The following PPAT variants were observed in gnomAD, a reference collection of about 807,000 sequenced individuals.
PPAT encodes the protein phosphoribosyl pyrophosphate amidotransferase.
Under a neutral mutation model 60.2 loss-of-function variants are expected in PPAT, and 20 were observed. That is an observed-to-expected ratio of 0.33 (90% CI 0.23 to 0.48). The LOEUF (loss-of-function observed/expected upper bound fraction) is 0.48, where lower values mean the gene tolerates loss of function less well. PPAT is among the 20% of genes least tolerant of loss of function. The pLI, the probability that PPAT is intolerant of heterozygous loss-of-function variation, is 0.99. For missense variants in PPAT, 349 were observed against 629.6 expected (o/e 0.55, Z 4.77); for synonymous variants, 194 against 215.1 (o/e 0.90, Z 0.86).
chr4:56,433,776 C>T (rs1435422017), intron 1 of PPAT, among the ~76,000 whole-genome samples: 1 of 151,450 alleles, frequency 6.6e-6, no homozygotes, highest in African/African-American at 2.4e-5. Context: ...CTCTCTGGAA[C>T]CTAAGCCTCC....
intron 3 of PPAT, chr4:56,403,876 C>G (rs1716179584): frequency 3.3e-6 from 1 of 301,590 alleles, no homozygotes; most frequent in Admixed American, 3.7e-5. Context: ...GTTCATGCTC[C>G]TAGGAGAATC....
chr4:56,422,729 C>A (rs892044196), intron 1 of PPAT: 19 of 152,054 alleles, frequency 1.2e-4, no homozygotes, highest in African/African-American at 4.4e-4. Flanking sequence ...TAGACGCTAC[C>A]ATACCTAAGA....
intron 1 of PPAT, among the ~76,000 whole-genome samples, chr4:56,413,319 T>C (rs1481820481): frequency 2.6e-5 from 4 of 152,094 alleles, no homozygotes; most frequent in African/African-American, 7.2e-5. Flanking sequence ...CATGCCCAGC[T>C]AGTTTTTGTA....
At chr4:56,403,830 C>T (rs1716178972) in intron 3 of PPAT, 1 of 286,778 alleles carries the variant, frequency 3.5e-6, no homozygotes, top group South Asian at 3.8e-5. Context: ...AAGGAGAGCA[C>T]AACCTGGATC....
At chr4:56,407,263 CT>C (rs1716262733) in intron 2 of PPAT, among the ~76,000 whole-genome samples, 1 of 152,028 alleles carries the variant, frequency 6.6e-6, no homozygotes, top group African/African-American at 2.4e-5. Flanking sequence ...TCAAATCCCC[CT>C]CCCCATATTA....
intron 1 of PPAT, among the ~76,000 whole-genome samples, chr4:56,417,049 A>G (rs1248831495): frequency 1.3e-5 from 2 of 152,144 alleles, no homozygotes; most frequent in African/African-American, 2.4e-5. Flanking sequence ...GGGTTTCACC[A>G]TGTTAGCCAG....
Position 56,396,500 on chromosome 4 carries a change from A to T in PPAT, c.1357+119T>A. The T allele has an allele frequency of 1.0e-6, 1 of 1,002,892 alleles. No homozygotes were observed. The highest frequency in any genetic ancestry group is 1.4e-6 in the Non-Finnish European group (1 of 697,440). The allele number at this position is 1,002,892 out of a possible 1,614,324, so 62.1% of individuals were successfully genotyped here. A position where few individuals can be genotyped will look rare whatever the true frequency, so the allele number is the denominator to read the frequency against. ...TGAGAATAGTATTCAATATCTGTTT[A>T]ACATATATAACTACTTTTAACAAAC... is the stretch of plus-strand genomic sequence containing the variant. On this transcript the variant is annotated intron_variant, in intron 10 of 10. Coordinates refer to ENST00000264220, the MANE Select transcript of PPAT (RefSeq NM_002703.5). This position sits in a 1 kb window ranked among gnomAD's most constrained non-coding sequence, Gnocchi z 4.6.
intron 1 of PPAT, chr4:56,431,393 G>C (rs1350926649): frequency 7.2e-6 from 7 of 968,320 alleles, no homozygotes; most frequent in Non-Finnish European, 8.6e-6. Flanking sequence ...TGCCTTTCCA[G>C]TGGTAATGTT....
chr4:56,428,326 A>T (rs142725589), intron 1 of PPAT, among the ~76,000 whole-genome samples: 5 of 152,352 alleles, frequency 3.3e-5, no homozygotes, highest in African/African-American at 1.2e-4. Context: ...CTGGTGTGAC[A>T]GTGAGGTCAG....
At chr4:56,417,403 A>G (rs1320333825) in intron 1 of PPAT, among the ~76,000 whole-genome samples, 2 of 152,338 alleles carry the variant, frequency 1.3e-5, no homozygotes, top group African/African-American at 2.4e-5. Context: ...TGAACCTGAC[A>G]AAAGTTATTA....
At chr4:56,433,909 C>T (rs1208005635) in intron 1 of PPAT, among the ~76,000 whole-genome samples, 1 of 152,162 alleles carries the variant, frequency 6.6e-6, no homozygotes, top group Non-Finnish European at 1.5e-5. Context: ...CCAGGATGGT[C>T]TCGATCTCTT....
In PPAT at chr4:56,435,596, C is replaced by A; in HGVS notation, c.-119G>T. Reference sequence around the variant, plus strand: ...GCGCTCGCGACAGGCTCTTCCTTCCCGAGGGTGGCCCCAGCTACTGCGGCG... The same window carrying A: ...GCGCTCGCGACAGGCTCTTCCTTCCAGAGGGTGGCCCCAGCTACTGCGGCG... On this transcript the variant is annotated 5_prime_UTR_variant, in exon 1 of 11. Coordinates refer to ENST00000264220, the MANE Select transcript of PPAT (RefSeq NM_002703.5). The A allele has an allele frequency of 6.5e-7, 1 of 1,547,520 alleles. No homozygotes were observed. Among genetic ancestry groups the A allele is most frequent in the East Asian group, 2.3e-5 (1 of 44,064 alleles).
At chr4:56,425,256 T>C (rs1717228459) in intron 1 of PPAT, 1 of 154,298 alleles carries the variant, frequency 6.5e-6, no homozygotes, top group South Asian at 2.0e-4. Flanking sequence ...TAAACACTTT[T>C]GTATATTTTA....
intron 1 of PPAT, chr4:56,407,980 A>G (rs961638615): frequency 2.9e-6 from 1 of 350,798 alleles, no homozygotes; most frequent in African/African-American, 2.0e-5. Context: ...CGTTGTAAAA[A>G]TAAATAATTT....
At position 56,419,796 on chromosome 4, in the gene PPAT, G is replaced by A. The variant is rs935759492; in HGVS notation, c.129-12080C>T. On this transcript the variant is annotated intron_variant, in intron 1 of 10. Transcript: ENST00000264220. ...AAATAAGAGGATATTTCAACAAATT[G>A]CAGCCAAGCTTCAGAAATTTGGAAT... 2.3e-5 allele frequency: 23 copies of A among 984,766 alleles called. No individual in the cohort carries two copies. The African/African-American group carries it at 3.7e-4, about 16-fold the overall frequency. The allele number at this position is 984,766 out of a possible 1,614,324, so 61.0% of individuals were successfully genotyped here. A position where few individuals can be genotyped will look rare whatever the true frequency, so the allele number is the denominator to read the frequency against.
intron 1 of PPAT, among the ~76,000 whole-genome samples, chr4:56,416,109 C>T (rs561657307): frequency 2.0e-5 from 3 of 151,344 alleles, no homozygotes; most frequent in Non-Finnish European, 4.4e-5. Flanking sequence ...AAACTAACTA[C>T]AACCATTTCT....
At chr4:56,423,662 T>A (rs1717149211) in intron 1 of PPAT, among the ~76,000 whole-genome samples, 1 of 151,906 alleles carries the variant, frequency 6.6e-6, no homozygotes, top group African/African-American at 2.4e-5. Context: ...AGTACAAGTT[T>A]TTTTTTTTGT....
chr4:56,417,846 T>C (rs1490299532), intron 1 of PPAT, among the ~76,000 whole-genome samples: 1 of 150,246 alleles, frequency 6.7e-6, no homozygotes, highest in East Asian at 1.9e-4. Flanking sequence ...TTTTTTGTTT[T>C]TTTTTTTTTT....
chr4:56,427,482 T>C (rs1295715751), intron 1 of PPAT, among the ~76,000 whole-genome samples: 1 of 152,060 alleles, frequency 6.6e-6, no homozygotes, highest in African/African-American at 2.4e-5. Context: ...AAAAATTATA[T>C]CCAACAAGAG....
Sources: gnomAD v4.1 joint callset for allele counts (sites outside exome capture counted in the v4.1 genomes callset) on GRCh38, gnomAD v4.1.1 for gene constraint, Gnocchi (gnomAD v3.1) non-coding constraint, MANE v1.5 for transcripts, NCBI Gene and HGNC (gene_info 2026-07-23, HGNC 2026-07-21) for gene names.